Variants in PLPPR1 observed in about 807,000 individuals in gnomAD.
The protein encoded by PLPPR1 is phospholipid phosphatase related 1.
Under a neutral mutation model 33.1 loss-of-function variants are expected in PLPPR1, and 10 were observed. That is an observed-to-expected ratio of 0.30 (90% confidence interval 0.19 to 0.51). PLPPR1 has a LOEUF of 0.51. Among genes scored for constraint, PLPPR1 ranks in the 20% least tolerant of loss-of-function variants. PLPPR1 has a pLI of 0.97. For synonymous variants in PLPPR1, 151 were observed against 151.0 expected, an observed-to-expected ratio of 1.00 and a Z score of 0.00; for missense variants, 304 against 408.1, an observed-to-expected ratio of 0.74 and a Z score of 2.20.
intron 1 of PLPPR1, among the ~76,000 whole-genome samples, chr9:101,063,321 C>A (rs1000542641): frequency 1.3e-5 from 2 of 151,984 alleles, no homozygotes; most frequent in African/African-American, 4.8e-5. Flanking sequence ...GGTGATATGG[C>A]ATCCTCACAT....
At chr9:101,304,342 T>C (rs1187062207) in intron 4 of PLPPR1, among the ~76,000 whole-genome samples, 1 of 152,242 alleles carries the variant, frequency 6.6e-6, no homozygotes, top group Non-Finnish European at 1.5e-5. Flanking sequence ...CTAAAGTTTC[T>C]TCAGCAATTC....
intron 1 of PLPPR1, among the ~76,000 whole-genome samples, chr9:101,138,153 G>C (rs1045492773): frequency 1.3e-5 from 2 of 152,148 alleles, no homozygotes; most frequent in East Asian, 3.8e-4. Context: ...CCATAATATG[G>C]AAAGTAGGCT....
intron 1 of PLPPR1, among the ~76,000 whole-genome samples, chr9:101,166,257 C>A (rs1030379632): frequency 5.3e-5 from 8 of 152,096 alleles, no homozygotes; most frequent in African/African-American, 1.4e-4. Context: ...ATATTTCTCA[C>A]CCTCACTTAA....
At chr9:101,222,778 G>A (rs559200597) in intron 2 of PLPPR1, among the ~76,000 whole-genome samples, 3 of 152,178 alleles carry the variant, frequency 2.0e-5, no homozygotes, top group Admixed American at 6.5e-5. Flanking sequence ...TGTCGGTCAC[G>A]ACATTCTAAA....
At chr9:101,241,277 A>C (rs2118847209) in intron 2 of PLPPR1, among the ~76,000 whole-genome samples, 1 of 152,116 alleles carries the variant, frequency 6.6e-6, no homozygotes, top group Non-Finnish European at 1.5e-5. Context: ...TCTAGGGCAA[A>C]GATTGCTCAT....
At position 101,058,963 on chromosome 9, in the gene PLPPR1, A is replaced by G. The variant is rs139572920; in HGVS notation, c.-46+29861A>G. ...AATTTCTGAGTCAGGGCTTCAGTCC[A>G]TATTACTCCCACCTAAAAGTACATA... is the stretch of plus-strand genomic sequence containing the variant. On this transcript the variant is annotated intron_variant, in intron 1 of 7. Transcript: ENST00000374874. Among the ~76,000 whole-genome samples, 241 of 152,264 alleles carry G rather than the reference A, an allele frequency of 1.6e-3. 1 individual carries two copies. Among genetic ancestry groups the G allele is most frequent in the African/African-American group, 5.5e-3 (229 of 41,560 alleles).
At chr9:101,196,755 C>T (rs1037705191) in intron 2 of PLPPR1, among the ~76,000 whole-genome samples, 1 of 151,884 alleles carries the variant, frequency 6.6e-6, no homozygotes, top group Non-Finnish European at 1.5e-5. Flanking sequence ...GTCCCAGCTA[C>T]TTGGGAGGCT....
chr9:101,100,697 C>CGTGTGT lies in PLPPR1; in HGVS notation c.-46+71626_-46+71631dup, dbSNP rs56760066. Among the ~76,000 whole-genome samples, 974 of 146,930 alleles carry CGTGTGT rather than the reference C, an allele frequency of 6.6e-3. 9 individuals carry two copies. Among genetic ancestry groups the CGTGTGT allele is most frequent in the Non-Finnish European group, 9.8e-3 (650 of 66,278 alleles). On this transcript the variant is annotated intron_variant, in intron 1 of 7. Transcript: ENST00000374874. ...ATCAGAAACTATTTACTCTTTGTTCCGTGTGTGTGTGTGTGTGTGTGTGTG... is the reference window on the plus strand; with the variant it reads ...ATCAGAAACTATTTACTCTTTGTTCCGTGTGTGTGTGTGTGTGTGTGTGTGTGTGTG...
chr9:101,195,990 G>T (rs938968155), intron 2 of PLPPR1, among the ~76,000 whole-genome samples: 2 of 152,168 alleles, frequency 1.3e-5, no homozygotes, highest in African/African-American at 4.8e-5. Context: ...AACTATAAAA[G>T]ATAGCATCTT....
At chr9:101,076,052 G>A (rs1429143895) in intron 1 of PLPPR1, among the ~76,000 whole-genome samples, 1 of 152,132 alleles carries the variant, frequency 6.6e-6, no homozygotes, top group Admixed American at 6.5e-5. Flanking sequence ...AGGGACTTGA[G>A]CAGGTACAGC....
intron 1 of PLPPR1, among the ~76,000 whole-genome samples, chr9:101,099,136 A>G (rs1830861341): frequency 6.6e-6 from 1 of 151,652 alleles, no homozygotes. Context: ...TGTGTTGGTC[A>G]GTGGGGATGT....
intron 1 of PLPPR1, among the ~76,000 whole-genome samples, chr9:101,130,423 A>G (rs1564153128): frequency 6.6e-6 from 1 of 152,208 alleles, no homozygotes. Context: ...TTTCTCTTCC[A>G]TAAAATGGAG....
At chr9:101,234,207 G>A (rs1358550585) in intron 2 of PLPPR1, among the ~76,000 whole-genome samples, 1 of 151,932 alleles carries the variant, frequency 6.6e-6, no homozygotes, top group Admixed American at 6.6e-5. Flanking sequence ...GAGCCAAGGT[G>A]TTGTTTTCTC....
intron 2 of PLPPR1, among the ~76,000 whole-genome samples, chr9:101,244,345 C>A (rs1827541479): frequency 6.6e-6 from 1 of 151,750 alleles, no homozygotes; most frequent in African/African-American, 2.4e-5. Context: ...TGTTCAGAAG[C>A]AGTGAAGATG....
chr9:101,152,339 T>G (rs538513106), intron 1 of PLPPR1, among the ~76,000 whole-genome samples: 489 of 152,334 alleles, frequency 3.2e-3, no homozygotes, highest in Non-Finnish European at 5.2e-3. Flanking sequence ...TTTCTCCCAT[T>G]CTGTAGATTG....
At chr9:101,090,502 T>C (rs1051760859) in intron 1 of PLPPR1, among the ~76,000 whole-genome samples, 1 of 152,194 alleles carries the variant, frequency 6.6e-6, no homozygotes, top group African/African-American at 2.4e-5. Context: ...TTATGGATGA[T>C]TATGCTTTCC....
chr9:101,317,452 G>T lies in PLPPR1; in HGVS notation c.901G>T (p.Ala301Ser), dbSNP rs866850807. The T allele has an allele frequency of 1.2e-6, 2 of 1,613,930 alleles. No individual in the cohort carries two copies. Among genetic ancestry groups the T allele is most frequent in the Non-Finnish European group, 1.7e-6 (2 of 1,179,996 alleles). The change falls in exon 7 of 8, where the codon GCT becomes TCT. Residue 301 changes from alanine to serine, a missense_variant. Physicochemically the swap from Ala to Ser is moderately conservative, Grantham distance 99. Coordinates refer to ENST00000374874, the MANE Select transcript of PLPPR1 (RefSeq NM_207299.2). ...GGATCCCCGTGGAGTACCCCTAATGGCTTTCCCAAGGATAGAAAGCCCTCT... is the reference window on the plus strand; with the variant it reads ...GGATCCCCGTGGAGTACCCCTAATGTCTTTCCCAAGGATAGAAAGCCCTCT... The part of the protein sequence containing the change: ...PEDPRGVPLM[A>S]FPRIESPLET...
chr9:101,214,643 T>A (rs1826752760), intron 2 of PLPPR1, among the ~76,000 whole-genome samples: 1 of 152,186 alleles, frequency 6.6e-6, no homozygotes, highest in Non-Finnish European at 1.5e-5. Flanking sequence ...TTAAATTGGT[T>A]TGGAAGTCCA....
intron 1 of PLPPR1, among the ~76,000 whole-genome samples, chr9:101,168,477 A>G (rs1336205508): frequency 6.6e-6 from 1 of 152,132 alleles, no homozygotes; most frequent in Non-Finnish European, 1.5e-5. Context: ...GTCCTCACAG[A>G]CCTAGCTCAA....
Sources: allele counts gnomAD v4.1 joint callset (sites outside exome capture counted in the v4.1 genomes callset), GRCh38; gene constraint gnomAD v4.1.1; transcripts MANE v1.5; gene names NCBI Gene and HGNC (gene_info 2026-07-23, HGNC 2026-07-21).